KCNIP1: variants seen among roughly 807,000 people sequenced by gnomAD.
KCNIP1 encodes the protein A-type potassium channel modulatory protein KCNIP1.
Under a neutral mutation model 33.0 loss-of-function variants are expected in KCNIP1, and 18 were observed. The observed-to-expected ratio is 0.55, with a 90% CI of 0.38 to 0.81. The LOEUF is 0.81. Ranked by LOEUF, KCNIP1 falls within the 30% of genes least tolerant of loss-of-function variation. The pLI, the probability that KCNIP1 is intolerant of heterozygous loss-of-function variation, is 0.00. For synonymous variants in KCNIP1, 93 were observed against 98.3 expected, an observed-to-expected ratio of 0.95 and a Z score of 0.32; for missense variants, 238 against 271.6, an observed-to-expected ratio of 0.88 and a Z score of 0.87.
At chr5:170,707,527 C>T (rs1436773920) in intron 1 of KCNIP1, among the ~76,000 whole-genome samples, 2 of 152,200 alleles carry the variant, frequency 1.3e-5, no homozygotes, top group Admixed American at 6.5e-5. Flanking sequence ...CATTCTATGT[C>T]GTGATTTTGT....
chr5:170,711,779 G>A (rs1763454210), intron 1 of KCNIP1, among the ~76,000 whole-genome samples: 1 of 152,012 alleles, frequency 6.6e-6, no homozygotes, highest in African/African-American at 2.4e-5. Context: ...AGGATCAAAG[G>A]GGCAACTAAA....
intron 1 of KCNIP1, among the ~76,000 whole-genome samples, chr5:170,518,441 T>C (rs1484841779): frequency 6.6e-6 from 1 of 152,214 alleles, no homozygotes; most frequent in Non-Finnish European, 1.5e-5. Context: ...GCTGCTTTCT[T>C]GACATTTGCA....
intron 1 of KCNIP1, among the ~76,000 whole-genome samples, chr5:170,550,539 A>AATGATGATGGTGATGACGATGATGGTG (rs1756580660): frequency 7.6e-6 from 1 of 130,934 alleles, no homozygotes; most frequent in Non-Finnish European, 1.7e-5. Context: ...TGATGGTGAT[A>AATGATGATGGTGATGACGATGATGGTG]ATGATGATGG....
chr5:170,693,276 C>G (rs897473591), intron 1 of KCNIP1, among the ~76,000 whole-genome samples: 1 of 152,202 alleles, frequency 6.6e-6, no homozygotes, highest in Non-Finnish European at 1.5e-5. Context: ...CACATTGTCC[C>G]TTCAAGATGG....
chr5:170,386,417 G>A (rs1764474838), intron 1 of KCNIP1, among the ~76,000 whole-genome samples: 1 of 152,152 alleles, frequency 6.6e-6, no homozygotes, highest in African/African-American at 2.4e-5. Context: ...TTGGACTTCT[G>A]GTGAAATTTC....
chr5:170,502,509 C>T (rs1757433582), upstream of KCNIP1, among the ~76,000 whole-genome samples: 1 of 152,100 alleles, frequency 6.6e-6, no homozygotes, highest in East Asian at 1.9e-4. Flanking sequence ...TGCTGTTTTG[C>T]TGTGTGTGCG....
chr5:170,472,525 A>G (rs1308974259), intron 1 of KCNIP1, among the ~76,000 whole-genome samples: 2 of 152,158 alleles, frequency 1.3e-5, no homozygotes, highest in Non-Finnish European at 2.9e-5. Flanking sequence ...TGGTGCACCC[A>G]TCACCCAAGC....
chr5:170,500,462 A>G (rs1350339619), upstream of KCNIP1, among the ~76,000 whole-genome samples: 7 of 152,026 alleles, frequency 4.6e-5, no homozygotes, highest in Non-Finnish European at 7.3e-5. Flanking sequence ...TGTATTGAGT[A>G]CATCATGGGA....
intron 1 of KCNIP1, among the ~76,000 whole-genome samples, chr5:170,533,621 C>A (rs1755861944): frequency 6.6e-6 from 1 of 152,206 alleles, no homozygotes; most frequent in African/African-American, 2.4e-5. Flanking sequence ...GGATCAGTCA[C>A]TCAACACCGC....
chr5:170,536,753 A>C (rs1222332941), intron 1 of KCNIP1, among the ~76,000 whole-genome samples: 3 of 152,206 alleles, frequency 2.0e-5, no homozygotes, highest in African/African-American at 7.2e-5. Flanking sequence ...GGAGTTAAAA[A>C]TGACCTTGGC....
chr5:170,707,410 G>T (rs991007200), intron 1 of KCNIP1, among the ~76,000 whole-genome samples: 1 of 152,138 alleles, frequency 6.6e-6, no homozygotes, highest in Non-Finnish European at 1.5e-5. Flanking sequence ...TTTCTCTAGT[G>T]CTGGAATCTA....
At chr5:170,733,588 G>A (rs1764283416) in intron 6 of KCNIP1, among the ~76,000 whole-genome samples, 1 of 152,182 alleles carries the variant, frequency 6.6e-6, no homozygotes, top group Non-Finnish European at 1.5e-5. Context: ...CAGCAGTGAG[G>A]TGATGAGTGT....
chr5:170,361,515 C>T (rs1314944037), intron 1 of KCNIP1, among the ~76,000 whole-genome samples: 1 of 152,154 alleles, frequency 6.6e-6, no homozygotes, highest in Non-Finnish European at 1.5e-5. Context: ...TAGAAGAACA[C>T]CCGCTTTGGA....
At chr5:170,396,170 G>A (rs1342028731) in intron 1 of KCNIP1, among the ~76,000 whole-genome samples, 2 of 152,234 alleles carry the variant, frequency 1.3e-5, no homozygotes, top group African/African-American at 4.8e-5. Flanking sequence ...GGTGTGGACA[G>A]GTTATAGGAA....
intron 1 of KCNIP1, among the ~76,000 whole-genome samples, chr5:170,543,525 G>A (rs1020183014): frequency 2.0e-5 from 3 of 152,174 alleles, no homozygotes; most frequent in Non-Finnish European, 4.4e-5. Flanking sequence ...GGGAGGCATG[G>A]CACATTTTTT....
At chr5:170,636,752 G>T (rs1417460048) in intron 1 of KCNIP1, among the ~76,000 whole-genome samples, 1 of 152,122 alleles carries the variant, frequency 6.6e-6, no homozygotes, top group Non-Finnish European at 1.5e-5. Flanking sequence ...AGAAAATGAG[G>T]TGAGAGCAAG....
chr5:170,622,605 A>C (rs1473929351), intron 1 of KCNIP1, among the ~76,000 whole-genome samples: 1 of 141,580 alleles, frequency 7.1e-6, no homozygotes, highest in Non-Finnish European at 1.5e-5. Flanking sequence ...CTAGGTGACA[A>C]GCGTGAGACT....
intron 1 of KCNIP1, among the ~76,000 whole-genome samples, chr5:170,611,437 A>G (rs1759148795): frequency 6.6e-6 from 1 of 152,236 alleles, no homozygotes; most frequent in African/African-American, 2.4e-5. Context: ...AGTGCAGCCA[A>G]GGTCCAGAGG....
At chr5:170,508,728 A>T (rs896468263) in intron 1 of KCNIP1, among the ~76,000 whole-genome samples, 1 of 152,164 alleles carries the variant, frequency 6.6e-6, no homozygotes, top group Non-Finnish European at 1.5e-5. Flanking sequence ...TGCCTTGTCT[A>T]ATAGTTAAAA....
Sources: allele counts gnomAD v4.1 joint callset (sites outside exome capture counted in the v4.1 genomes callset), GRCh38; gene constraint gnomAD v4.1.1; transcripts MANE v1.5; gene names NCBI Gene and HGNC (gene_info 2026-07-23, HGNC 2026-07-21).